The following LRRC28 variants were observed in gnomAD, a reference collection of about 807,000 sequenced individuals.
LRRC28 encodes the protein leucine-rich repeat-containing protein 28.
A neutral mutation model predicts 45.7 loss-of-function variants in LRRC28; 39 were observed. That is an observed-to-expected ratio of 0.85 (90% CI 0.66 to 1.12). LRRC28 has a LOEUF of 1.12. Among genes scored for constraint, LRRC28 ranks in the 50% most tolerant of loss-of-function variants. LRRC28 has a pLI of 0.00. For synonymous variants in LRRC28, 206 were observed against 178.8 expected (o/e 1.15, Z -1.22); for missense variants, 435 against 438.5 (o/e 0.99, Z 0.07).
At chr15:99,350,962 A>AT (rs968003192) in intron 6 of LRRC28, among the ~76,000 whole-genome samples, 21 of 152,078 alleles carry the variant, frequency 1.4e-4, no homozygotes, top group Admixed American at 3.3e-4. Flanking sequence ...CACCTGGCTG[A>AT]TTTTTTTGTA....
At chr15:99,310,646 G>T in intron 5 of LRRC28, among the ~76,000 whole-genome samples, 1 of 152,292 alleles carries the variant, frequency 6.6e-6, no homozygotes, top group Middle Eastern at 3.4e-3. Flanking sequence ...CAAATCGAGG[G>T]TGTTGAAAAT....
At chr15:99,285,226 T>G (rs1209170110) in intron 3 of LRRC28, 5 of 731,782 alleles carry the variant, frequency 6.8e-6, no homozygotes, top group Non-Finnish European at 1.0e-5. Context: ...TTAGGTAATG[T>G]TCTTCAGTGT....
intron 3 of LRRC28, among the ~76,000 whole-genome samples, chr15:99,278,699 T>A (rs1485276324): frequency 1.3e-5 from 2 of 152,238 alleles, no homozygotes; most frequent in Non-Finnish European, 1.5e-5. Flanking sequence ...TACCCCCAAA[T>A]GTAGTGATTT....
In LRRC28 at chr15:99,386,161, C is replaced by G; in HGVS notation, c.*59C>G. On this transcript the variant is annotated 3_prime_UTR_variant, in exon 10 of 10. Coordinates refer to ENST00000301981, the MANE Select transcript of LRRC28 (RefSeq NM_144598.5). ...TTGACACTGGGGAATCCAGCCAGTC[C>G]AGCACACTCTTCCATCCTGTCCTGT... The G allele has an allele frequency of 7.6e-7, 1 of 1,316,416 alleles. No homozygotes were observed. The highest frequency in any genetic ancestry group is 1.1e-6 in the Non-Finnish European group (1 of 908,386). The allele number at this position is 1,316,416 out of a possible 1,614,324, so 81.5% of individuals were successfully genotyped here.
intron 5 of LRRC28, among the ~76,000 whole-genome samples, chr15:99,297,075 G>A (rs1017804775): frequency 5.3e-5 from 8 of 151,544 alleles, no homozygotes; most frequent in Non-Finnish European, 7.4e-5. Context: ...CAGCTATTCC[G>A]GAGGCTGAGG....
chr15:99,266,821 T>C (rs2152140897), intron 2 of LRRC28, among the ~76,000 whole-genome samples: 1 of 152,052 alleles, frequency 6.6e-6, no homozygotes, highest in Non-Finnish European at 1.5e-5. Flanking sequence ...AAATGACATG[T>C]ATTATTTAAT....
chr15:99,319,398 C>T (rs1165348508), intron 5 of LRRC28, among the ~76,000 whole-genome samples: 1 of 152,130 alleles, frequency 6.6e-6, no homozygotes, highest in East Asian at 1.9e-4. Context: ...CATGTACAGA[C>T]ACAAAGCGAT....
intron 7 of LRRC28, among the ~76,000 whole-genome samples, chr15:99,356,101 T>C (rs1428729770): frequency 2.0e-5 from 3 of 152,172 alleles, no homozygotes; most frequent in African/African-American, 7.2e-5. Flanking sequence ...AACAAAAATA[T>C]TAATTACGTT....
At chr15:99,330,942 C>A (rs1956141065) in intron 5 of LRRC28, among the ~76,000 whole-genome samples, 1 of 151,902 alleles carries the variant, frequency 6.6e-6, no homozygotes, top group African/African-American at 2.4e-5. Flanking sequence ...TTGATGCTTT[C>A]AAGATTTTTT....
At chr15:99,381,848 TA>T in intron 9 of LRRC28, among the ~76,000 whole-genome samples, 2 of 152,330 alleles carry the variant, frequency 1.3e-5, no homozygotes, top group South Asian at 4.1e-4. Flanking sequence ...GAACAGCAAA[TA>T]TTGCTGAACA....
intron 5 of LRRC28, among the ~76,000 whole-genome samples, chr15:99,301,329 G>C (rs1241619435): frequency 6.6e-6 from 1 of 152,034 alleles, no homozygotes; most frequent in African/African-American, 2.4e-5. Flanking sequence ...TCATAAATCA[G>C]AGTTACTAAT....
chr15:99,290,892 A>G (rs994124007), intron 5 of LRRC28, among the ~76,000 whole-genome samples: 1 of 152,120 alleles, frequency 6.6e-6, no homozygotes, highest in Non-Finnish European at 1.5e-5. Context: ...TCTTGAGCCC[A>G]GGATATCAAG....
intron 5 of LRRC28, among the ~76,000 whole-genome samples, chr15:99,311,971 A>G (rs919864336): frequency 1.8e-4 from 28 of 152,222 alleles, no homozygotes; most frequent in African/African-American, 6.5e-4. Context: ...TTAAGCCAAT[A>G]TTGACCTGAA....
At chr15:99,371,504 A>G (rs1957483472) in intron 9 of LRRC28, among the ~76,000 whole-genome samples, 1 of 152,176 alleles carries the variant, frequency 6.6e-6, no homozygotes, top group Non-Finnish European at 1.5e-5. Flanking sequence ...ACTCACTAGT[A>G]GTTTATTTTT....
At chr15:99,332,596 A>G (rs751679642) in intron 5 of LRRC28, among the ~76,000 whole-genome samples, 9 of 152,170 alleles carry the variant, frequency 5.9e-5, no homozygotes, top group Non-Finnish European at 1.0e-4. Context: ...TCTCTGTCAC[A>G]TGTTCTTTGT....
Position 99,363,488 on chromosome 15 carries a change from A to G in LRRC28, c.1031+223A>G, listed in dbSNP as rs149673772. 19 of 407,056 alleles carry G rather than the reference A, an allele frequency of 4.7e-5. No individual in the cohort carries two copies. In the Admixed American group the frequency reaches 7.4e-4, roughly 16 times the overall value. 25.2% of individuals were successfully genotyped at this position (407,056 alleles called of 1,614,324 possible). ...CATGTGCTGGACAGTTTTATTGTAT[A>G]TATTATTTAGAGGAGCTCATTCTTT... On this transcript the variant is annotated intron_variant, in intron 9 of 9. Transcript: ENST00000301981.
rs1021334640 is a variant in LRRC28 at position 99,329,292 on chromosome 15, A to T, written c.386-4631A>T. Among the ~76,000 whole-genome samples the T allele has an allele frequency of 9.2e-5, 14 of 152,250 alleles. No homozygotes were observed. The South Asian group carries it at 1.2e-3, about 14-fold the overall frequency. On this transcript the variant is annotated intron_variant, in intron 5 of 9. Transcript: ENST00000301981. ...CCAGACTTTCAAACAGACAGCATAC[A>T]CTTCAAAAAGTTGTAGAACACAACC...
intron 2 of LRRC28, chr15:99,259,468 G>A: frequency 8.5e-7 from 1 of 1,181,940 alleles, no homozygotes; most frequent in Middle Eastern, 1.9e-4. Flanking sequence ...TTGAGCCTCT[G>A]CCCAATTGGG....
chr15:99,301,787 C>T (rs935047253), intron 5 of LRRC28, among the ~76,000 whole-genome samples: 4 of 151,962 alleles, frequency 2.6e-5, no homozygotes, highest in African/African-American at 7.3e-5. Flanking sequence ...GTTTCCTATC[C>T]GTAGTTTAAA....
Sources: gnomAD v4.1 joint callset for allele counts (sites outside exome capture counted in the v4.1 genomes callset) on GRCh38, gnomAD v4.1.1 for gene constraint, MANE v1.5 for transcripts, NCBI Gene and HGNC (gene_info 2026-07-23, HGNC 2026-07-21) for gene names.